The following RGS7 variants were observed in gnomAD, a reference collection of about 807,000 sequenced individuals.
RGS7 encodes regulator of G-protein signaling 7.
RGS7 carries 27 observed loss-of-function variants against 81.1 expected under a neutral mutation model. The ratio of observed to expected loss-of-function variants is 0.33; its 90% CI spans 0.25 to 0.46. The LOEUF (loss-of-function observed/expected upper bound fraction) is 0.46, where lower values mean the gene tolerates loss of function less well. Among genes scored for constraint, RGS7 ranks in the 20% least tolerant of loss-of-function variants. The pLI is 1.00. For synonymous variants in RGS7, 208 were observed against 207.7 expected, an observed-to-expected ratio of 1.00 and a Z score of -0.01; for missense variants, 396 against 607.4, an observed-to-expected ratio of 0.65 and a Z score of 3.66.
At chr1:241,260,088 A>G (rs2077251447) in intron 2 of RGS7, among the ~76,000 whole-genome samples, 1 of 152,124 alleles carries the variant, frequency 6.6e-6, no homozygotes, top group East Asian at 1.9e-4. Flanking sequence ...ACCCACCCAA[A>G]TTCTTACTGC....
chr1:240,914,871 G>GC (rs1672337509), intron 6 of RGS7, among the ~76,000 whole-genome samples: 1 of 152,150 alleles, frequency 6.6e-6, no homozygotes, highest in Admixed American at 6.5e-5. Context: ...AATGTACAGA[G>GC]AATCATGACC....
At chr1:240,866,510 CA>C (rs35934752) in intron 9 of RGS7, among the ~76,000 whole-genome samples, 16,814 of 107,340 alleles carry the variant, frequency 0.16, 1,082 homozygotes, top group Middle Eastern at 0.26. Context: ...GACTCCGTCT[CA>C]AAAAAAAAAA....
At chr1:241,102,401 C>T (rs940740120) in intron 2 of RGS7, among the ~76,000 whole-genome samples, 3 of 152,172 alleles carry the variant, frequency 2.0e-5, no homozygotes, top group African/African-American at 4.8e-5. Flanking sequence ...GGACACACCT[C>T]GTTGTACCCC....
chr1:240,945,560 A>G (rs1208565928), intron 4 of RGS7, among the ~76,000 whole-genome samples: 1 of 152,264 alleles, frequency 6.6e-6, no homozygotes, highest in Non-Finnish European at 1.5e-5. Flanking sequence ...TGTTAATGGT[A>G]TCTCTTTTAA....
chr1:240,983,749 T>C (rs931860565), intron 3 of RGS7, among the ~76,000 whole-genome samples: 13 of 152,208 alleles, frequency 8.5e-5, no homozygotes, highest in African/African-American at 3.1e-4. Flanking sequence ...ATGCAGTCTT[T>C]TATTGTCGTG....
chr1:240,818,477 A>G (rs1441625335), intron 10 of RGS7, among the ~76,000 whole-genome samples: 1 of 152,226 alleles, frequency 6.6e-6, no homozygotes, highest in Non-Finnish European at 1.5e-5. Flanking sequence ...ACACTGAAGG[A>G]ATGGAAATGG....
chr1:240,868,688 A>C lies in RGS7; in HGVS notation c.528-20T>G. On this transcript the variant is annotated intron_variant, in intron 8 of 18. Transcript: ENST00000440928. This position sits in a 1 kb window ranked among gnomAD's most constrained non-coding sequence, Gnocchi z 5.1. ...TCCACTCTGTCAACACAGTAACAAT[A>C]GATAACATTTAGTATTAATTGTAGT... is the stretch of plus-strand genomic sequence containing the variant. The C allele has an allele frequency of 6.2e-7, 1 of 1,611,838 alleles. No homozygotes were observed. Among genetic ancestry groups the C allele is most frequent in the Non-Finnish European group, 8.5e-7 (1 of 1,177,950 alleles).
rs1241973688 is a variant in RGS7, at chr1:241,143,612, CAT to C, written c.79-44852_79-44851del. On this transcript the variant is annotated intron_variant, in intron 2 of 18. Transcript: ENST00000440928. ...ACTTCCCACCAGGTCCCTCTCACAA[CAT>C]GTGGGAATTCAAGATGAGATCTGGG... Among the ~76,000 whole-genome samples the C allele has an allele frequency of 3.9e-5, 6 of 152,300 alleles. No individual in the cohort carries two copies. The East Asian group carries it at 1.2e-3, about 29-fold the overall frequency.
At chr1:240,812,136 G>A in intron 13 of RGS7, 93 bp from the exon 14 acceptor site, 4 of 1,331,644 alleles carry the variant, frequency 3.0e-6, no homozygotes, top group Non-Finnish European at 3.2e-6. Context: ...TGTGTGCCTC[G>A]AAGTTCCCAT....
intron 3 of RGS7, among the ~76,000 whole-genome samples, chr1:241,028,738 A>G (rs1365124803): frequency 6.6e-6 from 1 of 152,180 alleles, no homozygotes; most frequent in East Asian, 1.9e-4. Context: ...AGCAAAGGAC[A>G]AGTCGAGACA....
intron 1 of RGS7, 116 bp downstream of exon 1, chr1:241,356,783 C>G (rs1397755290): frequency 6.7e-6 from 1 of 149,280 alleles, no homozygotes; most frequent in East Asian, 2.0e-4. Flanking sequence ...CTCCCGGGGG[C>G]GGCCGCCCTG....
chr1:241,145,981 G>A (rs183198210), intron 2 of RGS7, among the ~76,000 whole-genome samples: 4 of 152,082 alleles, frequency 2.6e-5, no homozygotes, highest in Admixed American at 2.0e-4. Context: ...AGAAGCAATG[G>A]CATCTGAATC....
chr1:241,114,150 A>G (rs2065724620), intron 2 of RGS7, among the ~76,000 whole-genome samples: 1 of 152,180 alleles, frequency 6.6e-6, no homozygotes, highest in Non-Finnish European at 1.5e-5. Context: ...CAAGCTCAGC[A>G]GTAGTAAGTC....
Position 241,151,884 on chromosome 1 carries a change from C to T in RGS7, c.79-53122G>A, listed in dbSNP as rs558309227. On this transcript the variant is annotated intron_variant, in intron 2 of 18. Coordinates refer to ENST00000440928, the MANE Select transcript of RGS7 (RefSeq NM_001364886.1). ...GGAGAAATAAATGTTCACATTGGCACCCATCGATATCATGAATGGAATACA... is the reference window on the plus strand; with the variant it reads ...GGAGAAATAAATGTTCACATTGGCATCCATCGATATCATGAATGGAATACA... Among the ~76,000 whole-genome samples, 6 of 152,180 alleles carry T rather than the reference C, an allele frequency of 3.9e-5. No individual in the cohort carries two copies. In the East Asian group the frequency reaches 9.7e-4, roughly 25 times the overall value.
chr1:241,338,234 T>A (rs1205897481), intron 2 of RGS7, among the ~76,000 whole-genome samples: 1 of 152,194 alleles, frequency 6.6e-6, no homozygotes, highest in Non-Finnish European at 1.5e-5. Context: ...CCAAAGATAG[T>A]ACCGAGGGGG....
chr1:240,890,327 G>A (rs261810), intron 6 of RGS7, among the ~76,000 whole-genome samples: 54,540 of 151,852 alleles, frequency 0.36, 10,147 homozygotes, highest in East Asian at 0.51. Flanking sequence ...TAATTTTTGT[G>A]TTTTTAGTAG....
chr1:241,141,887 C>T (rs1029639550), intron 2 of RGS7, among the ~76,000 whole-genome samples: 2 of 152,194 alleles, frequency 1.3e-5, no homozygotes, highest in Admixed American at 1.3e-4. Context: ...AGGTCTCTTC[C>T]ACCTATGAGC....
chr1:241,080,915 G>A (rs1307441951), intron 3 of RGS7, among the ~76,000 whole-genome samples: 8 of 152,124 alleles, frequency 5.3e-5, no homozygotes. Flanking sequence ...GCATAAAATG[G>A]TCCTAATTTA....
chr1:241,208,321 G>A (rs996694846), intron 2 of RGS7, among the ~76,000 whole-genome samples: 1 of 152,108 alleles, frequency 6.6e-6, no homozygotes, highest in Non-Finnish European at 1.5e-5. Context: ...CTGACGATAG[G>A]GTTGGGATGA....
Sources: allele counts gnomAD v4.1 joint callset (sites outside exome capture counted in the v4.1 genomes callset), GRCh38; gene constraint gnomAD v4.1.1; non-coding constraint Gnocchi (gnomAD v3.1); transcripts MANE v1.5; gene names NCBI Gene and HGNC (gene_info 2026-07-23, HGNC 2026-07-21).